The following LINGO2 variants were observed in gnomAD, a reference collection of about 807,000 sequenced individuals.
LINGO2 encodes the protein leucine-rich repeat and immunoglobulin-like domain-containing nogo receptor-interacting protein 2.
A neutral mutation model predicts 30.6 loss-of-function variants in LINGO2; 14 were observed. That is an observed-to-expected ratio of 0.46 (90% CI 0.30 to 0.72). The LOEUF is 0.72. LINGO2 is among the 30% of genes least tolerant of loss of function. The pLI is 0.07. For missense variants in LINGO2, 729 were observed against 751.7 expected, an observed-to-expected ratio of 0.97 and a Z score of 0.35; for synonymous variants, 317 against 288.5, an observed-to-expected ratio of 1.10 and a Z score of -1.00.
the LINGO2 span, among the ~76,000 whole-genome samples, chr9:28,811,201 T>C: frequency 4.6e-5 from 7 of 152,110 alleles, no homozygotes; most frequent in Non-Finnish European, 8.8e-5. Context: ...CTTTCTCCCA[T>C]CTCGCATATT....
At chr9:28,681,004 T>A in the LINGO2 span, among the ~76,000 whole-genome samples, 2 of 152,152 alleles carry the variant, frequency 1.3e-5, no homozygotes, top group East Asian at 3.9e-4. Context: ...GATTATATCT[T>A]AAAAATCATT....
At chr9:29,163,503 G>T in the LINGO2 span, among the ~76,000 whole-genome samples, 2 of 152,170 alleles carry the variant, frequency 1.3e-5, no homozygotes, top group Non-Finnish European at 2.9e-5. Context: ...GCTCATGATT[G>T]ATTCTCATGA....
intron 5 of LINGO2, among the ~76,000 whole-genome samples, chr9:27,999,043 G>A (rs529124497): frequency 1.3e-5 from 2 of 152,204 alleles, no homozygotes; most frequent in African/African-American, 4.8e-5. Flanking sequence ...GAGAATTTAT[G>A]TGCACCTAGG....
chr9:28,993,592 A>G, the LINGO2 span, among the ~76,000 whole-genome samples: 1 of 150,950 alleles, frequency 6.6e-6, no homozygotes, highest in East Asian at 2.0e-4. Context: ...AATATACTTG[A>G]TGAACATCAA....
intron 2 of LINGO2, among the ~76,000 whole-genome samples, chr9:28,461,873 C>G (rs987978721): frequency 1.3e-5 from 2 of 152,048 alleles, no homozygotes; most frequent in African/African-American, 4.8e-5. Context: ...ACATATTTAT[C>G]TCATTTAAAT....
the LINGO2 span, among the ~76,000 whole-genome samples, chr9:28,762,574 C>T: frequency 5.9e-5 from 9 of 152,126 alleles, no homozygotes; most frequent in East Asian, 1.2e-3. Flanking sequence ...TATAGGAGCA[C>T]GGCAACTTGA....
intron 3 of LINGO2, among the ~76,000 whole-genome samples, chr9:28,312,421 A>G (rs1456879985): frequency 6.6e-6 from 1 of 152,076 alleles, no homozygotes; most frequent in Non-Finnish European, 1.5e-5. Context: ...AAATCAAATT[A>G]TTAAAATTTT....
chr9:28,253,074 C>T (rs1326141596), intron 4 of LINGO2, among the ~76,000 whole-genome samples: 3 of 146,872 alleles, frequency 2.0e-5, no homozygotes, highest in East Asian at 2.0e-4. Context: ...TTTCAATTTG[C>T]TAAAAAAAAA....
chr9:28,986,819 AAAAT>A, the LINGO2 span, among the ~76,000 whole-genome samples: 3 of 152,066 alleles, frequency 2.0e-5, no homozygotes, highest in Non-Finnish European at 2.9e-5. Context: ...TGTAATTTAT[AAAAT>A]AATATACTGA....
At chr9:28,124,894 A>G (rs186530696) in intron 4 of LINGO2, among the ~76,000 whole-genome samples, 1 of 152,388 alleles carries the variant, frequency 6.6e-6, no homozygotes, top group East Asian at 1.9e-4. Flanking sequence ...CAGTAATAAT[A>G]TAAGGGAAGA....
At chr9:28,055,573 T>C (rs557604802) in intron 4 of LINGO2, among the ~76,000 whole-genome samples, 2 of 152,194 alleles carry the variant, frequency 1.3e-5, no homozygotes, top group African/African-American at 2.4e-5. Context: ...GTTCGAAGTG[T>C]AAGGCTTCAG....
At chr9:28,978,267 G>C in the LINGO2 span, among the ~76,000 whole-genome samples, 1 of 152,146 alleles carries the variant, frequency 6.6e-6, no homozygotes, top group African/African-American at 2.4e-5. Flanking sequence ...TGTTTTGGCA[G>C]CCCACATTAA....
At chr9:28,554,065 C>T (rs867889897) in intron 1 of LINGO2, among the ~76,000 whole-genome samples, 14 of 152,072 alleles carry the variant, frequency 9.2e-5, no homozygotes, top group East Asian at 5.8e-4. Flanking sequence ...TAAAGAACAT[C>T]GAGACTAGGA....
the LINGO2 span, among the ~76,000 whole-genome samples, chr9:29,120,641 T>A: frequency 6.6e-6 from 1 of 152,172 alleles, no homozygotes; most frequent in East Asian, 1.9e-4. Context: ...TGCTTCTGAA[T>A]AAAATTTTGC....
chr9:28,850,189 C>T, the LINGO2 span, among the ~76,000 whole-genome samples: 1 of 151,854 alleles, frequency 6.6e-6, no homozygotes, highest in African/African-American at 2.4e-5. Flanking sequence ...CCAGCAGTTA[C>T]AAAACAGTAG....
intron 2 of LINGO2, among the ~76,000 whole-genome samples, chr9:28,438,277 G>T (rs971864371): frequency 2.0e-5 from 3 of 152,120 alleles, no homozygotes; most frequent in African/African-American, 7.2e-5. Context: ...GGTTTTTCTG[G>T]AAGAGATTTG....
the LINGO2 span, among the ~76,000 whole-genome samples, chr9:29,183,768 G>A: frequency 6.6e-6 from 1 of 151,630 alleles, no homozygotes; most frequent in Non-Finnish European, 1.5e-5. Flanking sequence ...ACAGAGAATA[G>A]CTGTTTGAGA....
intron 3 of LINGO2, among the ~76,000 whole-genome samples, chr9:28,348,236 C>A (rs950018739): frequency 6.6e-6 from 1 of 152,088 alleles, no homozygotes; most frequent in Non-Finnish European, 1.5e-5. Context: ...ATCTGAGGTA[C>A]CGGGTTCATC....
intron 4 of LINGO2, among the ~76,000 whole-genome samples, chr9:28,175,485 A>C (rs913186986): frequency 1.3e-5 from 2 of 152,142 alleles, no homozygotes; most frequent in Non-Finnish European, 2.9e-5. Flanking sequence ...CCTCTTCGTG[A>C]TTCAGACAAT....
Sources: allele counts gnomAD v4.1 joint callset (sites outside exome capture counted in the v4.1 genomes callset), GRCh38; gene constraint gnomAD v4.1.1; transcripts MANE v1.5; gene names NCBI Gene and HGNC (gene_info 2026-07-23, HGNC 2026-07-21).